Variants in PPEF1 observed in about 807,000 individuals in gnomAD.
PPEF1 encodes the protein serine/threonine-protein phosphatase with EF-hands 1.
Under a neutral mutation model 53.3 loss-of-function variants are expected in PPEF1, and 12 were observed. The ratio of observed to expected loss-of-function variants is 0.23; its 90% CI spans 0.14 to 0.36. The LOEUF is 0.36. Ranked by LOEUF, PPEF1 falls within the 10% of genes least tolerant of loss-of-function variation. The pLI is 1.00. For synonymous variants in PPEF1, 165 were observed against 176.7 expected, an observed-to-expected ratio of 0.93 and a Z score of 0.52; for missense variants, 334 against 490.4, an observed-to-expected ratio of 0.68 and a Z score of 3.01.
chrX:18,696,122 A>G (rs1929701002), intron 4 of PPEF1, among the ~76,000 whole-genome samples: 1 of 111,148 alleles, frequency 9.0e-6, no homozygotes, highest in Non-Finnish European at 1.9e-5. Flanking sequence ...TTCTCTTCAC[A>G]AGGGAGCAGG....
chrX:18,771,215 T>G (rs186812015), intron 6 of PPEF1, among the ~76,000 whole-genome samples: 58 of 111,343 alleles, frequency 5.2e-4, no homozygotes, highest in Non-Finnish European at 8.9e-4. Context: ...AAACCCAAAT[T>G]ATCCTTTTTA....
chrX:18,773,096 C>T (rs1249020839), intron 6 of PPEF1, among the ~76,000 whole-genome samples: 1 of 112,374 alleles, frequency 8.9e-6, no homozygotes, highest in East Asian at 2.8e-4. Flanking sequence ...CAAGGGGAGG[C>T]AAATTAGGCT....
intron 12 of PPEF1, among the ~76,000 whole-genome samples, chrX:18,817,622 G>C (rs2046948796): frequency 9.1e-6 from 1 of 110,143 alleles, no homozygotes; most frequent in Non-Finnish European, 1.9e-5. Context: ...TTACAGGTGT[G>C]AGCCACCACA....
At chrX:18,745,128 T>C (rs1468077166) in intron 3 of PPEF1, among the ~76,000 whole-genome samples, 2 of 95,522 alleles carry the variant, frequency 2.1e-5, no homozygotes, top group Non-Finnish European at 4.0e-5. Flanking sequence ...ATATATATTA[T>C]ATAATTATAT....
chrX:18,810,779 TGATA>T (rs2046789904), intron 12 of PPEF1, among the ~76,000 whole-genome samples: 1 of 112,310 alleles, frequency 8.9e-6, no homozygotes, highest in African/African-American at 3.2e-5. Context: ...ATTCATGAGT[TGATA>T]GATATTTAGG....
chrX:18,703,921 CTTTTT>C (rs144154361), upstream of PPEF1, among the ~76,000 whole-genome samples: 1 of 88,417 alleles, frequency 1.1e-5, no homozygotes, highest in African/African-American at 4.2e-5. Context: ...AAAAACATAC[CTTTTT>C]TTTTTTTTTT....
chrX:18,693,204 T>TA (rs1445184440), intron 4 of PPEF1, among the ~76,000 whole-genome samples: 1 of 112,051 alleles, frequency 8.9e-6, no homozygotes, highest in Non-Finnish European at 1.9e-5. Context: ...CAGGCTGCTT[T>TA]AGTCATTTGT....
chrX:18,767,787 A>G (rs1435985913), intron 6 of PPEF1, among the ~76,000 whole-genome samples: 2 of 110,700 alleles, frequency 1.8e-5, no homozygotes, highest in Non-Finnish European at 3.8e-5. Flanking sequence ...ATAAAAATAG[A>G]TAAGGAAGAA....
At chrX:18,681,401 C>T (rs1224489308), upstream of PPEF1, among the ~76,000 whole-genome samples, 1 of 112,233 alleles carries the variant, frequency 8.9e-6, no homozygotes, top group Non-Finnish European at 1.9e-5. Context: ...TACGCAGAGT[C>T]TAAATAGTTT....
At chrX:18,680,885 C>T (rs1439075103), upstream of PPEF1, among the ~76,000 whole-genome samples, 2 of 107,378 alleles carry the variant, frequency 1.9e-5, no homozygotes, top group African/African-American at 6.8e-5. Flanking sequence ...TTTGTCCTTG[C>T]GATAGTTTGC....
chrX:18,807,969 ATTT>A (rs377271718), intron 12 of PPEF1, among the ~76,000 whole-genome samples: 1 of 75,841 alleles, frequency 1.3e-5, no homozygotes. Context: ...CTGTACGTAC[ATTT>A]TTTTTTTTTT....
At chrX:18,820,536 C>T (rs1002270625) in intron 13 of PPEF1, among the ~76,000 whole-genome samples, 4 of 110,583 alleles carry the variant, frequency 3.6e-5, no homozygotes, top group African/African-American at 9.9e-5. Flanking sequence ...CAGGCGTGTG[C>T]CACCACGCCC....
In PPEF1 at chrX:18,757,651, G is replaced by A; in HGVS notation, c.421G>A (p.Glu141Lys). 1 of 1,208,865 alleles carries A rather than the reference G, an allele frequency of 8.3e-7. No homozygotes were observed. The highest frequency in any genetic ancestry group is 1.1e-6 in the Non-Finnish European group (1 of 893,126). ...GATACTTCATGCCCATTATGTCTTAGAGGTGCTATTTGAAACCAAGAAAGT... is the reference window on the plus strand; with the variant it reads ...GATACTTCATGCCCATTATGTCTTAAAGGTGCTATTTGAAACCAAGAAAGT... The part of the protein sequence containing the change: ...QQILHAHYVL[E>K]VLFETKKVLK... The change falls in exon 5 of 16, where the codon GAG becomes AAG. Residue 141 changes from glutamate (E) to lysine (K), a missense_variant. Glu to Lys is a moderately conservative substitution (Grantham distance 56). Transcript: ENST00000470157.
chrX:18,727,862 T>C (rs749105053), intron 1 of PPEF1, among the ~76,000 whole-genome samples: 5 of 111,742 alleles, frequency 4.5e-5, no homozygotes, highest in Non-Finnish European at 9.4e-5. Context: ...AGGAAACAGA[T>C]AAAGAGATGC....
intron 15 of PPEF1, among the ~76,000 whole-genome samples, chrX:18,826,345 A>T (rs2047162837): frequency 9.4e-6 from 1 of 106,895 alleles, no homozygotes; most frequent in Admixed American, 1.0e-4. Context: ...TTAGTTACTC[A>T]TGGCCATAAA....
rs1464275278 is a variant in PPEF1 at position 18,749,881 on chromosome X, G to A, written c.325G>A (p.Gly109Ser). ...DSIDVPDSYN[G>S]PRLQFPLTCT... ...GATAGATGTCCCAGACTCCTATAAT[G>A]GTCCTCGGCTACAATTTCCTCTCAC... Residue 109 changes from glycine (G) to serine (S), a missense_variant, in exon 4 of 16, where the codon GGT (glycine) becomes AGT (serine). Physicochemically the swap from Gly to Ser is moderately conservative, Grantham distance 56. Transcript: ENST00000470157. The A allele has an allele frequency of 8.4e-7, 1 of 1,196,162 alleles. No individual in the cohort carries two copies. Among genetic ancestry groups the A allele is most frequent in the Non-Finnish European group, 1.1e-6 (1 of 886,504 alleles).
At chrX:18,763,406 G>A (rs1362362897) in intron 6 of PPEF1, among the ~76,000 whole-genome samples, 2 of 111,749 alleles carry the variant, frequency 1.8e-5, no homozygotes, top group African/African-American at 6.5e-5. Context: ...AAAACTCTTG[G>A]TGGGCTTTTG....
chrX:18,716,038 G>A (rs2044444579), intron 1 of PPEF1, among the ~76,000 whole-genome samples: 1 of 111,836 alleles, frequency 8.9e-6, no homozygotes, highest in African/African-American at 3.3e-5. Flanking sequence ...AGTGCTAAGA[G>A]GCCGACAAAG....
chrX:18,687,123 T>C (rs1451101519), intron 3 of PPEF1, among the ~76,000 whole-genome samples: 1 of 111,467 alleles, frequency 9.0e-6, no homozygotes, highest in Non-Finnish European at 1.9e-5. Flanking sequence ...TTTTCCTTTT[T>C]ATCAGGAAAA....
Sources: gnomAD v4.1 joint callset for allele counts (sites outside exome capture counted in the v4.1 genomes callset) on GRCh38, gnomAD v4.1.1 for gene constraint, MANE v1.5 for transcripts, NCBI Gene and HGNC (gene_info 2026-07-23, HGNC 2026-07-21) for gene names.